MED14: variants seen among roughly 807,000 people sequenced by gnomAD.
MED14 encodes mediator complex subunit 14.
In MED14, 8 loss-of-function variants were observed where a neutral mutation model predicts 109.0. That is an observed-to-expected ratio of 0.07 (90% CI 0.04 to 0.13). MED14 has a LOEUF of 0.13. Ranked by LOEUF, MED14 falls within the 10% of genes least tolerant of loss-of-function variation. MED14 has a pLI of 1.00. For missense variants in MED14, 711 were observed against 1,142.4 expected (o/e 0.62, Z 5.44); for synonymous variants, 399 against 408.7 (o/e 0.98, Z 0.29).
intron 7 of MED14, 119 bp downstream of exon 7, chrX:40,712,067 G>C: frequency 2.2e-6 from 1 of 458,006 alleles, no homozygotes. Context: ...CAAAAAGGGT[G>C]GGGGAGATGG....
At chrX:40,693,190 C>T (rs2146676741) in intron 13 of MED14, among the ~76,000 whole-genome samples, 1 of 111,677 alleles carries the variant, frequency 9.0e-6, no homozygotes, top group East Asian at 2.8e-4. Context: ...ATTCACACCT[C>T]AGCTTATAAA....
chrX:40,656,111 A>T (rs1293120528), intron 28 of MED14, among the ~76,000 whole-genome samples: 1 of 111,055 alleles, frequency 9.0e-6, no homozygotes, highest in Non-Finnish European at 1.9e-5. Flanking sequence ...AATTTTAAAT[A>T]ATTAAAAAAA....
intron 7 of MED14, among the ~76,000 whole-genome samples, chrX:40,711,739 C>G (rs781653088): frequency 9.2e-6 from 1 of 108,888 alleles, no homozygotes; most frequent in South Asian, 4.0e-4. Context: ...TCTCCTGTCT[C>G]AGGCTCCCTA....
intron 23 of MED14, among the ~76,000 whole-genome samples, chrX:40,671,407 G>T (rs978060478): frequency 8.9e-6 from 1 of 112,545 alleles, no homozygotes; most frequent in South Asian, 3.7e-4. Context: ...GAGCTTGGGG[G>T]CAGGCCACCC....
At chrX:40,731,252 G>GA (rs1163805861) in intron 1 of MED14, among the ~76,000 whole-genome samples, 5 of 110,311 alleles carry the variant, frequency 4.5e-5, no homozygotes, top group African/African-American at 1.6e-4. Context: ...CAAGCAGAAG[G>GA]AAAAAACCCA....
intron 30 of MED14, among the ~76,000 whole-genome samples, chrX:40,653,661 G>A (rs1264411555): frequency 8.9e-6 from 1 of 111,937 alleles, no homozygotes; most frequent in Non-Finnish European, 1.9e-5. Flanking sequence ...TCTTTGCTGA[G>A]CTTTGTATTT....
intron 11 of MED14, 68 bp from the exon 12 acceptor site, chrX:40,701,311 A>G (rs7357876): frequency 3.2e-6 from 2 of 624,888 alleles, no homozygotes; most frequent in Admixed American, 3.5e-5. Flanking sequence ...TAGGTAGTGT[A>G]AAACAAATAA....
intron 28 of MED14, among the ~76,000 whole-genome samples, chrX:40,657,715 C>T (rs1289128992): frequency 1.8e-5 from 2 of 112,297 alleles, no homozygotes; most frequent in South Asian, 3.7e-4. Context: ...AAACCAAGAA[C>T]AGATATTCAG....
chrX:40,723,847 A>C (rs1931814993), intron 3 of MED14, among the ~76,000 whole-genome samples: 1 of 110,603 alleles, frequency 9.0e-6, no homozygotes, highest in Non-Finnish European at 1.9e-5. Context: ...TCTACTTATC[A>C]ATAATAACAC....
At chrX:40,733,288 A>C (rs984253791) in intron 1 of MED14, among the ~76,000 whole-genome samples, 1 of 109,023 alleles carries the variant, frequency 9.2e-6, no homozygotes, top group African/African-American at 3.4e-5. Context: ...ACACCCAGCT[A>C]ATTTTCTATT....
intron 10 of MED14, among the ~76,000 whole-genome samples, chrX:40,704,639 A>G (rs1931069413): frequency 8.9e-6 from 1 of 112,730 alleles, no homozygotes; most frequent in African/African-American, 3.2e-5. Flanking sequence ...TCAAAGAAAC[A>G]AACCAAAACC....
In MED14 at chrX:40,668,361, C is replaced by G. The variant is rs73624920; in HGVS notation, c.3134-1510G>C. On this transcript the variant is annotated intron_variant, in intron 23 of 30. Coordinates refer to ENST00000324817, the MANE Select transcript of MED14 (RefSeq NM_004229.4). ...TCACGCCATGGCACTCCAGCCTGTACGACAGAGCAAGACTCTGTCTCCAAA... is the reference window on the plus strand; with the variant it reads ...TCACGCCATGGCACTCCAGCCTGTAGGACAGAGCAAGACTCTGTCTCCAAA... Among the ~76,000 whole-genome samples the G allele has an allele frequency of 7.0e-3, 558 of 79,766 alleles. 4 individuals are homozygous for G. The highest frequency in any genetic ancestry group is 0.026 in the African/African-American group (517 of 20,034). The allele number at this position is 79,766 out of a possible 115,157, so 69.3% of individuals were successfully genotyped here. A position where few individuals can be genotyped will look rare whatever the true frequency, so the allele number is the denominator to read the frequency against.
Position 40,729,927 on chromosome X carries a change from T to C in MED14, c.216-582A>G, listed in dbSNP as rs143428505. On this transcript the variant is annotated intron_variant, in intron 1 of 30. Coordinates refer to ENST00000324817, the MANE Select transcript of MED14 (RefSeq NM_004229.4). The stretch of plus-strand genomic sequence containing the variant: ...TTTCTTTTTGCTAGTCCTCCAATAC[T>C]GATAGCCAGCAACCAATGTCAACTT... 4.0e-3 allele frequency among the ~76,000 whole-genome samples: 453 copies of C among 112,575 alleles called. 5 individuals are homozygous for C. Among genetic ancestry groups the C allele is most frequent in the African/African-American group, 0.014 (434 of 30,993 alleles).
chrX:40,680,187 C>A, intron 20 of MED14, 54 bp from the exon 21 acceptor site: 1 of 1,136,139 alleles, frequency 8.8e-7, no homozygotes, highest in South Asian at 2.0e-5. Flanking sequence ...ATGTTAAAAC[C>A]TCAGAATTTT....
At chrX:40,703,728 T>G (rs1931038166) in intron 10 of MED14, among the ~76,000 whole-genome samples, 159 bp from the exon 11 acceptor site, 1 of 112,591 alleles carries the variant, frequency 8.9e-6, no homozygotes. Context: ...ATTATGTCAG[T>G]TAGCAGCTCA....
intron 28 of MED14, among the ~76,000 whole-genome samples, chrX:40,658,888 A>G (rs945272530): frequency 4.6e-5 from 5 of 109,649 alleles, no homozygotes; most frequent in Admixed American, 3.9e-4. Context: ...TATGAGAGCA[A>G]TGTTATTTGC....
chrX:40,664,702 G>C (rs1424012543), intron 24 of MED14, among the ~76,000 whole-genome samples: 2 of 111,892 alleles, frequency 1.8e-5, no homozygotes, highest in African/African-American at 6.5e-5. Context: ...AAAATATAAA[G>C]CTTGAGAGAG....
intron 26 of MED14, 71 bp from the exon 27 acceptor site, chrX:40,659,678 C>A: frequency 9.6e-7 from 1 of 1,046,374 alleles, no homozygotes; most frequent in South Asian, 2.3e-5. Flanking sequence ...GAGAATTGTT[C>A]CAAAAGGAAA....
chrX:40,716,210 A>C (rs2146720152), intron 3 of MED14, among the ~76,000 whole-genome samples: 1 of 111,659 alleles, frequency 9.0e-6, no homozygotes, highest in South Asian at 3.8e-4. Flanking sequence ...GCTTGTGAGG[A>C]TGTGGAAGAA....
Sources: gnomAD v4.1 joint callset for allele counts (sites outside exome capture counted in the v4.1 genomes callset) on GRCh38, gnomAD v4.1.1 for gene constraint, MANE v1.5 for transcripts, NCBI Gene and HGNC (gene_info 2026-07-23, HGNC 2026-07-21) for gene names.